The following FUT9 variants were observed in gnomAD, a reference collection of about 807,000 sequenced individuals.
The protein encoded by FUT9 is fucosyltransferase 9, also known as 4-galactosyl-N-acetylglucosaminide 3-alpha-L-fucosyltransferase 9.
In FUT9, 15 loss-of-function variants were observed where a neutral mutation model predicts 29.7. The ratio of observed to expected loss-of-function variants is 0.51; its 90% CI spans 0.34 to 0.78. The LOEUF (loss-of-function observed/expected upper bound fraction) is 0.78, where lower values mean the gene tolerates loss of function less well. Among genes scored for constraint, FUT9 ranks in the 30% least tolerant of loss-of-function variants. The pLI, the probability that FUT9 is intolerant of heterozygous loss-of-function variation, is 0.01. For synonymous variants in FUT9, 169 were observed against 153.7 expected (o/e 1.10, Z -0.74); for missense variants, 319 against 425.4 (o/e 0.75, Z 2.20).
chr6:96,056,731 G>A (rs1007079584), intron 1 of FUT9, among the ~76,000 whole-genome samples: 1 of 151,722 alleles, frequency 6.6e-6, no homozygotes, highest in African/African-American at 2.4e-5. Context: ...ATGACAAAGC[G>A]AGACTCCATC....
At chr6:96,025,153 A>G (rs1467342636) in intron 1 of FUT9, among the ~76,000 whole-genome samples, 1 of 151,656 alleles carries the variant, frequency 6.6e-6, no homozygotes. Context: ...ATATGTACAC[A>G]TTACTCTTTA....
intron 1 of FUT9, among the ~76,000 whole-genome samples, chr6:96,068,261 A>G (rs1050819761): frequency 2.6e-5 from 4 of 152,144 alleles, no homozygotes; most frequent in Admixed American, 2.0e-4. Context: ...AAGTATAAGA[A>G]AAGAAAAAAA....
chr6:96,138,756 T>A (rs1452559609), intron 2 of FUT9, among the ~76,000 whole-genome samples: 1 of 152,188 alleles, frequency 6.6e-6, no homozygotes, highest in African/African-American at 2.4e-5. Flanking sequence ...ATAACAGATT[T>A]TTTTTAAGTA....
At chr6:96,151,802 G>A (rs1164912215) in intron 2 of FUT9, among the ~76,000 whole-genome samples, 1 of 152,142 alleles carries the variant, frequency 6.6e-6, no homozygotes, top group Non-Finnish European at 1.5e-5. Flanking sequence ...CAGTATAAAA[G>A]GAGTTATATA....
intron 1 of FUT9, among the ~76,000 whole-genome samples, chr6:96,033,825 C>A (rs542627270): frequency 3.3e-5 from 5 of 151,776 alleles, no homozygotes; most frequent in Admixed American, 6.6e-5. Context: ...TATGTAAACA[C>A]ACATACAAAT....
At chr6:96,043,121 G>A (rs181444498) in intron 1 of FUT9, among the ~76,000 whole-genome samples, 7 of 152,116 alleles carry the variant, frequency 4.6e-5, no homozygotes, top group African/African-American at 9.6e-5. Flanking sequence ...GCGCGATCTC[G>A]GCTCACTGCA....
At chr6:96,059,995 T>G (rs1770844061) in intron 1 of FUT9, among the ~76,000 whole-genome samples, 1 of 152,198 alleles carries the variant, frequency 6.6e-6, no homozygotes. Context: ...GGGATTTTAA[T>G]ACTAAAAAAG....
At chr6:96,191,650 G>T (rs1220916643) in intron 2 of FUT9, among the ~76,000 whole-genome samples, 1 of 152,114 alleles carries the variant, frequency 6.6e-6, no homozygotes, top group African/African-American at 2.4e-5. Flanking sequence ...TCTATCAGAG[G>T]TACAAGGAGG....
intron 1 of FUT9, among the ~76,000 whole-genome samples, chr6:96,052,810 GA>G (rs749726369): frequency 4.4e-4 from 66 of 150,936 alleles, no homozygotes; most frequent in South Asian, 6.3e-4. Context: ...AAAAAAATCT[GA>G]AAAAAAAATT....
Position 96,144,799 on chromosome 6 carries a change from T to A in FUT9, c.-9+30672T>A, listed in dbSNP as rs115845878. On this transcript the variant is annotated intron_variant, in intron 2 of 2. Transcript: ENST00000302103. ...TAGTTCCATTTTAAACTGAAAGGAA[T>A]CTAAAGAAAAAACAACACTGTATAA... Among the ~76,000 whole-genome samples the A allele has an allele frequency of 3.2e-3, 494 of 152,244 alleles. 4 individuals are homozygous for A. Among genetic ancestry groups the A allele is most frequent in the African/African-American group, 0.011 (465 of 41,558 alleles).
At chr6:96,048,465 G>C (rs183756641) in intron 1 of FUT9, among the ~76,000 whole-genome samples, 51 of 152,298 alleles carry the variant, frequency 3.3e-4, no homozygotes, top group African/African-American at 1.1e-3. Flanking sequence ...AGCTTGAGAA[G>C]AGAACTTTCC....
intron 1 of FUT9, among the ~76,000 whole-genome samples, chr6:96,025,526 T>G (rs1338320891): frequency 2.6e-5 from 4 of 151,732 alleles, no homozygotes; most frequent in African/African-American, 9.7e-5. Context: ...TTGATACTTA[T>G]TGGGGATATG....
At chr6:96,120,188 T>C (rs1421786849) in intron 2 of FUT9, among the ~76,000 whole-genome samples, 1 of 151,916 alleles carries the variant, frequency 6.6e-6, no homozygotes, top group Non-Finnish European at 1.5e-5. Context: ...TTTTATTTGT[T>C]TTGTTTGCTT....
intron 1 of FUT9, among the ~76,000 whole-genome samples, chr6:96,016,603 C>T (rs1769983695): frequency 6.6e-6 from 1 of 152,156 alleles, no homozygotes; most frequent in Non-Finnish European, 1.5e-5. Context: ...CACCCGATCT[C>T]GCGCTGACAA....
At chr6:96,065,698 A>T (rs78841118) in intron 1 of FUT9, among the ~76,000 whole-genome samples, 1 of 152,334 alleles carries the variant, frequency 6.6e-6, no homozygotes, top group East Asian at 1.9e-4. Flanking sequence ...ACAGCTACAA[A>T]ACTGCTATAG....
In FUT9 at chr6:96,168,017, A is replaced by G. The variant is rs546682602; in HGVS notation, c.-8-35131A>G. Among the ~76,000 whole-genome samples the G allele has an allele frequency of 1.4e-4, 21 of 152,344 alleles. 1 individual carries two copies. The highest frequency in any genetic ancestry group is 4.8e-4 in the African/African-American group (20 of 41,584). On this transcript the variant is annotated intron_variant, in intron 2 of 2. Coordinates refer to ENST00000302103, the MANE Select transcript of FUT9 (RefSeq NM_006581.4). Reference sequence around the variant, plus strand: ...AATTGGATACACACGCAAGAGAAGGAGTGGAGTCCACCATATATCCCAAGA... The same window carrying G: ...AATTGGATACACACGCAAGAGAAGGGGTGGAGTCCACCATATATCCCAAGA...
At chr6:96,042,861 G>A (rs1211785206) in intron 1 of FUT9, among the ~76,000 whole-genome samples, 1 of 152,052 alleles carries the variant, frequency 6.6e-6, no homozygotes. Context: ...TAATTATTAA[G>A]ACTTAATTTA....
At chr6:96,176,024 G>A (rs560235810) in intron 2 of FUT9, among the ~76,000 whole-genome samples, 1 of 152,356 alleles carries the variant, frequency 6.6e-6, no homozygotes, top group African/African-American at 2.4e-5. Flanking sequence ...TCTCCCTTCT[G>A]GAGCTGAGAC....
At chr6:96,135,775 A>C (rs1375410398) in intron 2 of FUT9, among the ~76,000 whole-genome samples, 2 of 151,840 alleles carry the variant, frequency 1.3e-5, no homozygotes, top group African/African-American at 4.8e-5. Context: ...TTGTGTACTT[A>C]AAAATTTGAT....
Sources: allele counts gnomAD v4.1 joint callset (sites outside exome capture counted in the v4.1 genomes callset), GRCh38; gene constraint gnomAD v4.1.1; transcripts MANE v1.5; gene names NCBI Gene and HGNC (gene_info 2026-07-23, HGNC 2026-07-21).